DNM3: variants seen among roughly 807,000 people sequenced by gnomAD.
DNM3 encodes the protein dynamin 3.
Under a neutral mutation model 101.6 loss-of-function variants are expected in DNM3, and 47 were observed. The ratio of observed to expected loss-of-function variants is 0.46; its 90% CI spans 0.37 to 0.59. The LOEUF (loss-of-function observed/expected upper bound fraction) is 0.59. Among genes scored for constraint, DNM3 ranks in the 20% least tolerant of loss-of-function variants. The pLI is 0.00. For missense variants in DNM3, 849 were observed against 1,085.7 expected (o/e 0.78, Z 3.06); for synonymous variants, 385 against 387.9 (o/e 0.99, Z 0.09).
intron 7 of DNM3, among the ~76,000 whole-genome samples, chr1:172,039,222 G>T (rs1448634199): frequency 6.6e-6 from 1 of 152,018 alleles, no homozygotes; most frequent in Non-Finnish European, 1.5e-5. Context: ...AGGCTCCCCT[G>T]CCCAGCACAC....
intron 13 of DNM3, among the ~76,000 whole-genome samples, chr1:172,126,148 C>T (rs906807908): frequency 3.3e-5 from 5 of 152,120 alleles, no homozygotes; most frequent in African/African-American, 1.2e-4. Flanking sequence ...CTATTTTGAG[C>T]TGATTGTTAT....
At chr1:171,878,334 G>T (rs1203834250) in intron 1 of DNM3, among the ~76,000 whole-genome samples, 3 of 150,786 alleles carry the variant, frequency 2.0e-5, no homozygotes, top group African/African-American at 2.4e-5. Context: ...AGTTAATAAG[G>T]TACTTTGTAC....
chr1:172,293,535 G>A (rs1412306571), intron 15 of DNM3, among the ~76,000 whole-genome samples: 1 of 152,194 alleles, frequency 6.6e-6, no homozygotes, highest in African/African-American at 2.4e-5. Flanking sequence ...AAAAAATGCA[G>A]TCAGTACAAA....
At chr1:171,994,687 T>C (rs2045873107) in intron 4 of DNM3, among the ~76,000 whole-genome samples, 1 of 151,102 alleles carries the variant, frequency 6.6e-6, no homozygotes, top group African/African-American at 2.5e-5. Context: ...GTTTTCCTTT[T>C]AAGTTTTTTG....
chr1:172,356,633 G>C (rs1188798015), intron 17 of DNM3, among the ~76,000 whole-genome samples: 1 of 152,012 alleles, frequency 6.6e-6, no homozygotes, highest in Non-Finnish European at 1.5e-5. Flanking sequence ...TTTAGGCTGA[G>C]CTGGGAAAGA....
chr1:172,084,538 G>A (rs2053396858), intron 12 of DNM3, among the ~76,000 whole-genome samples: 1 of 152,122 alleles, frequency 6.6e-6, no homozygotes, highest in South Asian at 2.1e-4. Context: ...GTGACGTGGA[G>A]TGATTATGAA....
intron 10 of DNM3, among the ~76,000 whole-genome samples, chr1:172,057,418 GA>G (rs1019818313): frequency 6.6e-5 from 10 of 152,026 alleles, no homozygotes; most frequent in African/African-American, 2.4e-4. Flanking sequence ...TGAAATGAAG[GA>G]AAAAATGTTA....
chr1:172,027,160 T>C (rs904699399), intron 4 of DNM3, among the ~76,000 whole-genome samples: 1 of 152,152 alleles, frequency 6.6e-6, no homozygotes. Flanking sequence ...TTGTAAAGAC[T>C]ATTGACACTA....
chr1:172,184,392 A>G (rs2059452355), intron 14 of DNM3, among the ~76,000 whole-genome samples: 3 of 152,152 alleles, frequency 2.0e-5, no homozygotes, highest in African/African-American at 7.2e-5. Context: ...ATCTGCAGAG[A>G]CACAGCAGTT....
At chr1:171,854,023 A>G (rs1263474644) in intron 1 of DNM3, among the ~76,000 whole-genome samples, 3 of 152,218 alleles carry the variant, frequency 2.0e-5, no homozygotes, top group African/African-American at 7.2e-5. Flanking sequence ...AGCATATTTT[A>G]TGACCAAAAT....
chr1:172,106,794 A>G (rs1333450412), intron 13 of DNM3, among the ~76,000 whole-genome samples: 3 of 135,164 alleles, frequency 2.2e-5, no homozygotes, highest in Non-Finnish European at 4.8e-5. Context: ...ATTGGGAGTG[A>G]TTGTTTGCCA....
chr1:171,932,481 G>A (rs2041105689), intron 2 of DNM3, among the ~76,000 whole-genome samples: 1 of 151,702 alleles, frequency 6.6e-6, no homozygotes, highest in Admixed American at 6.6e-5. Flanking sequence ...CTTTTTCTTT[G>A]TATTTCTTAG....
At chr1:172,208,937 A>C (rs922246226) in intron 14 of DNM3, among the ~76,000 whole-genome samples, 1 of 151,240 alleles carries the variant, frequency 6.6e-6, no homozygotes, top group African/African-American at 2.4e-5. Context: ...ACATGGATCC[A>C]GGTAGAAAGG....
At chr1:171,949,150 T>A (rs1006895275) in intron 2 of DNM3, among the ~76,000 whole-genome samples, 3 of 152,180 alleles carry the variant, frequency 2.0e-5, no homozygotes, top group Non-Finnish European at 4.4e-5. Flanking sequence ...TAAATATAAG[T>A]AAAATATTAC....
At chr1:171,991,882 C>T (rs1165666307) in intron 4 of DNM3, among the ~76,000 whole-genome samples, 1 of 152,194 alleles carries the variant, frequency 6.6e-6, no homozygotes, top group Non-Finnish European at 1.5e-5. Flanking sequence ...TATGACAATC[C>T]AGATGAAGCT....
At chr1:171,974,866 C>CT (rs202081677) in intron 2 of DNM3, among the ~76,000 whole-genome samples, 1,759 of 149,552 alleles carry the variant, frequency 0.012, 35 homozygotes, top group African/African-American at 0.04. Context: ...TCTTCTTCTA[C>CT]TGTTTTTTTT....
intron 14 of DNM3, among the ~76,000 whole-genome samples, chr1:172,151,359 C>T (rs927390413): frequency 1.3e-5 from 2 of 152,118 alleles, no homozygotes; most frequent in Non-Finnish European, 2.9e-5. Flanking sequence ...TTTGCAAATG[C>T]AACAAGTTAT....
chr1:172,289,866 T>C lies in DNM3; in HGVS notation c.1770-18862T>C, dbSNP rs1036092084. 4.1e-6 allele frequency: 4 copies of C among 977,820 alleles called. No individual in the cohort carries two copies. The African/African-American group carries it at 5.3e-5, about 13-fold the overall frequency. The allele number at this position is 977,820 out of a possible 1,614,324, so 60.6% of individuals were successfully genotyped here. A position where few individuals can be genotyped will look rare whatever the true frequency, so the allele number is the denominator to read the frequency against. On this transcript the variant is annotated intron_variant, in intron 15 of 20. Transcript: ENST00000627582. The stretch of plus-strand genomic sequence containing the variant: ...GTTGTTCTTTCCTATTTAACTTTTA[T>C]CATAATTTGTAGTTTTATTGTACTG...
intron 17 of DNM3, among the ~76,000 whole-genome samples, chr1:172,344,243 G>A (rs1395867930): frequency 6.6e-6 from 1 of 152,166 alleles, no homozygotes; most frequent in African/African-American, 2.4e-5. Flanking sequence ...ATTTCTGCTG[G>A]AATTAATGGG....
Sources: allele counts gnomAD v4.1 joint callset (sites outside exome capture counted in the v4.1 genomes callset), GRCh38; gene constraint gnomAD v4.1.1; transcripts MANE v1.5; gene names NCBI Gene and HGNC (gene_info 2026-07-23, HGNC 2026-07-21).